MIER1: variants seen among roughly 807,000 people sequenced by gnomAD.
MIER1 encodes MIER1 transcriptional regulator.
In MIER1, 40 loss-of-function variants were observed where a neutral mutation model predicts 75.7. The observed-to-expected ratio is 0.53, with a 90% CI of 0.41 to 0.69. The LOEUF is 0.69. MIER1 is among the 30% of genes least tolerant of loss of function. The pLI is 0.00. For missense variants in MIER1, 574 were observed against 680.2 expected (o/e 0.84, Z 1.74); for synonymous variants, 213 against 223.4 (o/e 0.95, Z 0.42).
At chr1:66,949,218 T>C (rs1658362131) in intron 4 of MIER1, among the ~76,000 whole-genome samples, 1 of 152,236 alleles carries the variant, frequency 6.6e-6, no homozygotes, top group African/African-American at 2.4e-5. Flanking sequence ...AAAATACTAA[T>C]TAGCAAGAGG....
chr1:66,976,798 T>A, intron 12 of MIER1, 76 bp downstream of exon 12: 1 of 1,253,330 alleles, frequency 8.0e-7, no homozygotes, highest in Non-Finnish European at 1.1e-6. Context: ...AGTTAATTAT[T>A]ATTTTGATAA....
rs139803178 is a variant in MIER1, at chr1:66,938,235, A to G, written c.169-1793A>G. On this transcript the variant is annotated intron_variant, in intron 2 of 13. Transcript: ENST00000401041. ...TGAGGCCTTTTACAAACTGAAATAT[A>G]TGGACACCATTTACAATTCAAAATC... 2.6e-3 allele frequency among the ~76,000 whole-genome samples: 400 copies of G among 152,338 alleles called. 1 individual carries two copies. Among genetic ancestry groups the G allele is most frequent in the African/African-American group, 9.3e-3 (386 of 41,574 alleles).
chr1:66,945,311 ATAT>A (rs1558042185), intron 3 of MIER1, among the ~76,000 whole-genome samples: 4 of 82,930 alleles, frequency 4.8e-5, no homozygotes, highest in Non-Finnish European at 1.1e-4. Context: ...ATATATATAT[ATAT>A]ATAAAATACC....
intron 2 of MIER1, among the ~76,000 whole-genome samples, chr1:66,934,681 C>T (rs1314289848): frequency 6.6e-6 from 1 of 151,912 alleles, no homozygotes; most frequent in Non-Finnish European, 1.5e-5. Flanking sequence ...AGGCGTGTGC[C>T]ACTGTTCCCA....
chr1:66,972,609 A>G (rs1439297549), intron 10 of MIER1, among the ~76,000 whole-genome samples: 2 of 152,036 alleles, frequency 1.3e-5, no homozygotes, highest in Non-Finnish European at 2.9e-5. Flanking sequence ...GAAGTAAGAA[A>G]GAACATGGCA....
At chr1:66,975,600 T>C (rs527357698) in intron 11 of MIER1, among the ~76,000 whole-genome samples, 14 of 152,150 alleles carry the variant, frequency 9.2e-5, no homozygotes, top group Non-Finnish European at 1.6e-4. Context: ...TCCTCAGTAT[T>C]TTATATATAT....
At chr1:66,963,855 C>G (rs1288661081) in intron 8 of MIER1, among the ~76,000 whole-genome samples, 1 of 151,812 alleles carries the variant, frequency 6.6e-6, no homozygotes, top group Non-Finnish European at 1.5e-5. Flanking sequence ...TTGCAGTGAG[C>G]CAGTATCGCA....
intron 2 of MIER1, among the ~76,000 whole-genome samples, chr1:66,937,410 A>G (rs1424688581): frequency 2.0e-5 from 3 of 152,086 alleles, no homozygotes. Context: ...AGCATGGTGA[A>G]ACCGTCTCTA....
chr1:66,945,114 A>G (rs1657182207), intron 3 of MIER1, among the ~76,000 whole-genome samples: 1 of 152,114 alleles, frequency 6.6e-6, no homozygotes, highest in Non-Finnish European at 1.5e-5. Flanking sequence ...AGATGACTGT[A>G]TATTTCACAT....
At chr1:66,959,805 G>C in intron 7 of MIER1, 62 bp downstream of exon 7, 1 of 737,332 alleles carries the variant, frequency 1.4e-6, no homozygotes, top group Non-Finnish European at 1.9e-6. Context: ...AAAGCCTCGT[G>C]TAATTATTTT....
At chr1:66,928,017 G>T (rs941876356) in intron 2 of MIER1, among the ~76,000 whole-genome samples, 1 of 152,022 alleles carries the variant, frequency 6.6e-6, no homozygotes, top group Admixed American at 6.5e-5. Context: ...AATAATAGTG[G>T]AAGGATACTG....
chr1:66,940,693 G>A (rs913630406), intron 3 of MIER1, among the ~76,000 whole-genome samples: 1 of 152,018 alleles, frequency 6.6e-6, no homozygotes, highest in African/African-American at 2.4e-5. Context: ...TTTTTGTTTG[G>A]CCACTGTAGT....
chr1:66,925,362 C>T lies in MIER1; in HGVS notation c.67+267C>T, dbSNP rs542149622. ...TTTTGCCTTCGCGGTGGTGGCGCCG[C>T]GCTGGGAATCCGCTGCGGAGTGAGT... On this transcript the variant is annotated intron_variant, in intron 1 of 13. Transcript: ENST00000401041. 554 of 985,416 alleles carry T rather than the reference C, an allele frequency of 5.6e-4. 3 individuals carry two copies. The African/African-American group carries it at 8.5e-3, about 15-fold the overall frequency. 61.0% of individuals were successfully genotyped at this position (985,416 alleles called of 1,614,324 possible). A position where few individuals can be genotyped will look rare whatever the true frequency, so the allele number is the denominator to read the frequency against.
chr1:66,946,126 AC>A (rs772937800), intron 3 of MIER1, 23 bp from the exon 4 acceptor site: 18 of 1,579,814 alleles, frequency 1.1e-5, no homozygotes, highest in Non-Finnish European at 1.5e-5. Flanking sequence ...GGTTTACCAA[AC>A]TTTTTGAAAT....
intron 2 of MIER1, among the ~76,000 whole-genome samples, chr1:66,935,808 A>AT (rs894443121): frequency 3.9e-5 from 6 of 151,958 alleles, no homozygotes; most frequent in South Asian, 2.1e-4. Context: ...TATACTCCTA[A>AT]TTTTTTTTGG....
At position 66,986,816 on chromosome 1, in the gene MIER1, A is replaced by G; in HGVS notation, c.*1916A>G. 1 of 190,152 alleles carries G rather than the reference A, an allele frequency of 5.3e-6. No individual in the cohort carries two copies. The highest frequency in any genetic ancestry group is 1.5e-4 in the South Asian group (1 of 6,696). 11.8% of individuals were successfully genotyped at this position (190,152 alleles called of 1,614,324 possible). A position where few individuals can be genotyped will look rare whatever the true frequency, so the allele number is the denominator to read the frequency against. Reference sequence around the variant, plus strand: ...GAATGGCAGTAGCTTTAGCAAGCAGATGGTCACAATCTGTTTTCTAAATCA... The same window carrying G: ...GAATGGCAGTAGCTTTAGCAAGCAGGTGGTCACAATCTGTTTTCTAAATCA... On this transcript the variant is annotated 3_prime_UTR_variant, in exon 14 of 14. Transcript: ENST00000401041.
chr1:66,979,893 T>C lies in MIER1; in HGVS notation c.1230-1886T>C, dbSNP rs567803453. Among the ~76,000 whole-genome samples, 3 of 151,982 alleles carry C rather than the reference T, an allele frequency of 2.0e-5. No individual in the cohort carries two copies. In the South Asian group the frequency reaches 6.2e-4, roughly 32 times the overall value. ...GATTCTACTGCCGCCGCCTCCCGAGTAGCTGGGATTACAGGCATGCGCCAC... is the reference window on the plus strand; with the variant it reads ...GATTCTACTGCCGCCGCCTCCCGAGCAGCTGGGATTACAGGCATGCGCCAC... On this transcript the variant is annotated intron_variant, in intron 12 of 13. Transcript: ENST00000401041.
chr1:66,938,912 CATA>C (rs1655547560), intron 2 of MIER1, among the ~76,000 whole-genome samples: 1 of 152,102 alleles, frequency 6.6e-6, no homozygotes, highest in East Asian at 1.9e-4. Flanking sequence ...ACTACAATTA[CATA>C]ATATGTACAG....
rs113999429 is a variant in MIER1, at chr1:66,945,545, G to A, written c.194-605G>A. Among the ~76,000 whole-genome samples, 895 of 152,118 alleles carry A rather than the reference G, an allele frequency of 5.9e-3. 6 individuals are homozygous for A. Among genetic ancestry groups the A allele is most frequent in the African/African-American group, 0.02 (834 of 41,484 alleles). ...GGGCCAGAGGAGTTCATACTCATTG[G>A]TTCTATCAAACATTAATCAAATGGT... On this transcript the variant is annotated intron_variant, in intron 3 of 13. Transcript: ENST00000401041.
Sources: gnomAD v4.1 joint callset for allele counts (sites outside exome capture counted in the v4.1 genomes callset) on GRCh38, gnomAD v4.1.1 for gene constraint, MANE v1.5 for transcripts, NCBI Gene and HGNC (gene_info 2026-07-23, HGNC 2026-07-21) for gene names.